NPY5R: variants seen among roughly 807,000 people sequenced by gnomAD.
NPY5R encodes the protein neuropeptide Y receptor Y5, also known as neuropeptide Y receptor type 5.
A neutral mutation model predicts 24.8 loss-of-function variants in NPY5R; 21 were observed. That is an observed-to-expected ratio of 0.85 (90% CI 0.60 to 1.22). The LOEUF is 1.22. Ranked by LOEUF, NPY5R falls within the 50% of genes most tolerant of loss-of-function variation. The pLI, the probability that NPY5R is intolerant of heterozygous loss-of-function variation, is 0.00. For synonymous variants in NPY5R, 175 were observed against 183.0 expected, an observed-to-expected ratio of 0.96 and a Z score of 0.35; for missense variants, 481 against 521.3, an observed-to-expected ratio of 0.92 and a Z score of 0.75.
rs1560870583 is a variant in NPY5R, at chr4:163,350,636, A to G, written c.363A>G (p.Gln121=). The G allele has an allele frequency of 1.2e-6, 2 of 1,614,134 alleles. No homozygotes were observed. Among genetic ancestry groups the G allele is most frequent in the East Asian group, 4.5e-5 (2 of 44,884 alleles). ...KVMCHIMPFL[Q]CVSVLVSTLI... ...TGTGCCATATTATGCCTTTTCTTCA[A>G]TGTGTGTCAGTTTTGGTTTCAACTT... Residue 121 remains glutamine (Q), a synonymous_variant, in exon 4 of 4, where the codon CAA becomes CAG. Transcript: ENST00000338566.
chr4:163,348,876 A>T (rs956652376), intron 3 of NPY5R, among the ~76,000 whole-genome samples: 5 of 152,194 alleles, frequency 3.3e-5, no homozygotes, highest in Non-Finnish European at 7.4e-5. Flanking sequence ...TCACTGCTAC[A>T]TTTACGTTTA....
In NPY5R at chr4:163,351,510, T is replaced by G; in HGVS notation, c.1237T>G (p.Leu413Val). ...FKLVYCICHLLGMMSCCLNPI... is the reference protein window; with the variant it reads ...FKLVYCICHLVGMMSCCLNPI... The stretch of plus-strand genomic sequence containing the variant: ...GTTGGTGTATTGCATTTGTCATTTG[T>G]TGGGCATGATGTCCTGTTGTCTTAA... The change falls in exon 4 of 4, where the codon TTG (leucine) becomes GTG (valine). Residue 413 changes from leucine (L) to valine (V), a missense_variant. Coordinates refer to ENST00000338566, the MANE Select transcript of NPY5R (RefSeq NM_006174.4). 1 of 1,613,642 alleles carries G rather than the reference T, an allele frequency of 6.2e-7. No individual in the cohort carries two copies. The highest frequency in any genetic ancestry group is 1.1e-5 in the South Asian group (1 of 91,074).
At chr4:163,349,576 C>T (rs1335878798) in intron 3 of NPY5R, among the ~76,000 whole-genome samples, 1 of 152,126 alleles carries the variant, frequency 6.6e-6, no homozygotes, top group African/African-American at 2.4e-5. Context: ...GATTATGTGA[C>T]TATACTACAT....
chr4:163,351,429 C>T lies in NPY5R; in HGVS notation c.1156C>T (p.Leu386Phe). 1 of 1,613,242 alleles carries T rather than the reference C, an allele frequency of 6.2e-7. No individual in the cohort carries two copies. The highest frequency in any genetic ancestry group is 8.5e-7 in the Non-Finnish European group (1 of 1,179,454). ...VFAVSWMPLH[L>F]FHVVTDFNDN... Reference sequence around the variant, plus strand: ...TGCTGTTAGTTGGATGCCACTACACCTTTTCCATGTGGTAACTGATTTTAA... The same window carrying T: ...TGCTGTTAGTTGGATGCCACTACACTTTTTCCATGTGGTAACTGATTTTAA... Residue 386 changes from leucine to phenylalanine, a missense_variant, in exon 4 of 4, where the codon CTT becomes TTT. Transcript: ENST00000338566.
Position 163,350,840 on chromosome 4 carries a change from A to G in NPY5R, c.567A>G (p.Ser189=), listed in dbSNP as rs1414216897. Reference sequence around the variant, plus strand: ...TGGAACTTCAAGAAACATTTGGTTCAGCATTGCTGAGCAGCAGGTATTTAT... The same window carrying G: ...TGGAACTTCAAGAAACATTTGGTTCGGCATTGCTGAGCAGCAGGTATTTAT... ...SLVELQETFG[S]ALLSSRYLCV... is the part of the protein sequence containing the mutation. Residue 189 remains serine, a synonymous_variant, in exon 4 of 4, where the codon TCA becomes TCG. Transcript: ENST00000338566. The G allele has an allele frequency of 6.2e-7, 1 of 1,614,234 alleles. No homozygotes were observed. Among genetic ancestry groups the G allele is most frequent in the South Asian group, 1.1e-5 (1 of 91,084 alleles).
Position 163,351,562 on chromosome 4 carries a change from A to C in NPY5R, c.1289A>C (p.Asn430Thr). The change falls in exon 4 of 4, where the codon AAT (asparagine) becomes ACT (threonine). Residue 430 changes from asparagine to threonine, a missense_variant. Coordinates refer to ENST00000338566, the MANE Select transcript of NPY5R (RefSeq NM_006174.4). The stretch of plus-strand genomic sequence containing the variant: ...CCAATTCTATATGGGTTTCTTAATA[A>C]TGGGATTAAAGCTGATTTAGTGTCC... The part of the protein sequence containing the change: ...LNPILYGFLN[N>T]GIKADLVSLI... 6.2e-7 allele frequency: 1 copy of C among 1,610,184 alleles called. No individual in the cohort carries two copies. The highest frequency in any genetic ancestry group is 8.5e-7 in the Non-Finnish European group (1 of 1,176,526).
In NPY5R at chr4:163,345,778, C is replaced by CT. The variant is rs1305495720; in HGVS notation, c.-81+31dup. ...GGTAAGTTTAATGGAAAAAATCCTGCTTTTTTGTTTGTTTTTTCATTTTAA... is the reference window on the plus strand; with the variant it reads ...GGTAAGTTTAATGGAAAAAATCCTGCTTTTTTTGTTTGTTTTTTCATTTTAA... On this transcript the variant is annotated intron_variant, in intron 2 of 3. Coordinates refer to ENST00000338566, the MANE Select transcript of NPY5R (RefSeq NM_006174.4). 3.3e-5 allele frequency: 5 copies of CT among 152,160 alleles called. No individual in the cohort carries two copies. The East Asian group carries it at 5.8e-4, about 18-fold the overall frequency. 9.4% of individuals were successfully genotyped at this position (152,160 alleles called of 1,614,324 possible). A position where few individuals can be genotyped will look rare whatever the true frequency, so the allele number is the denominator to read the frequency against.
At chr4:163,350,226 T>C in intron 3 of NPY5R, 39 bp from the exon 4 acceptor site, 1 of 1,482,566 alleles carries the variant, frequency 6.7e-7, no homozygotes, top group Non-Finnish European at 9.0e-7. Context: ...CATGTAATGT[T>C]TTTTTGGTTG....
At chr4:163,349,146 A>T (rs1735375186) in intron 3 of NPY5R, among the ~76,000 whole-genome samples, 2 of 152,242 alleles carry the variant, frequency 1.3e-5, no homozygotes, top group African/African-American at 4.8e-5. Flanking sequence ...AATATATTTA[A>T]TGAGTGCCTA....
chr4:163,348,515 C>G (rs535850589), intron 3 of NPY5R, among the ~76,000 whole-genome samples: 11 of 151,862 alleles, frequency 7.2e-5, no homozygotes, highest in Admixed American at 5.2e-4. Flanking sequence ...TGTAGTCCCA[C>G]GTGCCTGTAG....
downstream of NPY5R, among the ~76,000 whole-genome samples, chr4:163,352,243 C>A (rs1735522220): frequency 6.6e-6 from 1 of 152,134 alleles, no homozygotes; most frequent in South Asian, 2.1e-4. Flanking sequence ...TAGTAATACA[C>A]AAGTAATTTA....
intron 3 of NPY5R, among the ~76,000 whole-genome samples, chr4:163,348,471 A>G (rs1001601133): frequency 3.9e-5 from 6 of 152,082 alleles, no homozygotes; most frequent in Admixed American, 3.9e-4. Context: ...TCCACAAAAA[A>G]TAGAAAGATT....
chr4:163,350,234 T>A, intron 3 of NPY5R, 31 bp from the exon 4 acceptor site: 4 of 1,500,438 alleles, frequency 2.7e-6, no homozygotes, highest in Non-Finnish European at 3.6e-6. Flanking sequence ...GTTTTTTTGG[T>A]TGCTGACAAA....
At chr4:163,347,616 G>A (rs1374816412) in intron 3 of NPY5R, 94 bp downstream of exon 3, 1 of 152,202 alleles carries the variant, frequency 6.6e-6, no homozygotes, top group Admixed American at 6.5e-5. Flanking sequence ...AAGCTGAATT[G>A]AGCCAGGGGA....
At position 163,350,378 on chromosome 4, in the gene NPY5R, C is replaced by T; in HGVS notation, c.105C>T (p.Ser35=). Residue 35 remains serine, a synonymous_variant, in exon 4 of 4, where the codon AGC becomes AGT. Coordinates refer to ENST00000338566, the MANE Select transcript of NPY5R (RefSeq NM_006174.4). ...SDFPVWDDYK[S]SVDDLQYFLI... is the part of the protein sequence containing the mutation. ...TCCCAGTCTGGGATGACTATAAAAG[C>T]AGTGTAGATGACTTACAGTATTTTC... The T allele has an allele frequency of 6.2e-7, 1 of 1,613,572 alleles. No homozygotes were observed. Among genetic ancestry groups the T allele is most frequent in the Non-Finnish European group, 8.5e-7 (1 of 1,179,592 alleles).
At chr4:163,345,847 C>T (rs1238502118) in intron 2 of NPY5R, 94 bp downstream of exon 2, 1 of 152,022 alleles carries the variant, frequency 6.6e-6, no homozygotes, top group Non-Finnish European at 1.5e-5. Context: ...TCTTATTGTA[C>T]AAAATTTTCC....
rs1226404367 is a variant in NPY5R at position 163,350,755 on chromosome 4, C to T, written c.482C>T (p.Ala161Val). The change falls in exon 4 of 4, where the codon GCT becomes GTT. Residue 161 changes from alanine to valine, a missense_variant. Transcript: ENST00000338566. ...GCAAACCATGGCTACTTTCTGATAGCTACTGTCTGGACACTAGGTTTTGCC... is the reference window on the plus strand; with the variant it reads ...GCAAACCATGGCTACTTTCTGATAGTTACTGTCTGGACACTAGGTTTTGCC... Reference protein sequence around the residue: ...LTANHGYFLIATVWTLGFAIC... With the variant: ...LTANHGYFLIVTVWTLGFAIC... 2 of 1,614,088 alleles carry T rather than the reference C, an allele frequency of 1.2e-6. No individual in the cohort carries two copies. The highest frequency in any genetic ancestry group is 1.3e-5 in the African/African-American group (1 of 74,936).
At chr4:163,347,051 C>T (rs995153626) in intron 2 of NPY5R, among the ~76,000 whole-genome samples, 1 of 152,118 alleles carries the variant, frequency 6.6e-6, no homozygotes, top group Non-Finnish European at 1.5e-5. Flanking sequence ...ATACTCTATC[C>T]TGAATTTTCC....
chr4:163,345,866 A>T (rs1735215231), intron 2 of NPY5R, 113 bp downstream of exon 2: 1 of 152,158 alleles, frequency 6.6e-6, no homozygotes, highest in Admixed American at 6.5e-5. Context: ...CCTAATGTTT[A>T]AACTATCCCC....
Sources: allele counts gnomAD v4.1 joint callset (sites outside exome capture counted in the v4.1 genomes callset), GRCh38; gene constraint gnomAD v4.1.1; transcripts MANE v1.5; gene names NCBI Gene and HGNC (gene_info 2026-07-23, HGNC 2026-07-21).